Variants in STARD13 observed in about 807,000 individuals in gnomAD.
STARD13 encodes the protein stAR-related lipid transfer protein 13.
A neutral mutation model predicts 106.4 loss-of-function variants in STARD13; 62 were observed. The observed-to-expected ratio is 0.58, with a 90% CI of 0.48 to 0.72. The LOEUF is 0.72. STARD13 is among the 30% of genes least tolerant of loss of function. The pLI is 0.00. For synonymous variants in STARD13, 565 were observed against 553.0 expected (o/e 1.02, Z -0.31); for missense variants, 1,387 against 1,424.0 (o/e 0.97, Z 0.42).
chr13:33,351,376 C>G (rs2078077709), upstream of STARD13, among the ~76,000 whole-genome samples: 1 of 152,106 alleles, frequency 6.6e-6, no homozygotes, highest in Non-Finnish European at 1.5e-5. Context: ...GTAAAGTAGG[C>G]TTGTAGTTAG....
intron 1 of STARD13, among the ~76,000 whole-genome samples, chr13:33,176,069 T>C (rs1200473999): frequency 1.3e-5 from 2 of 152,216 alleles, no homozygotes; most frequent in Non-Finnish European, 2.9e-5. Flanking sequence ...GGGGTTGACA[T>C]GGCAAGATAG....
chr13:33,285,392 C>CA (rs990374300), intron 1 of STARD13, 78 bp downstream of exon 1: 160 of 1,455,538 alleles, frequency 1.1e-4, no homozygotes, highest in Admixed American at 5.7e-4. Flanking sequence ...AACAAACAAA[C>CA]AAAAAAAACT....
At chr13:33,376,429 G>A in the STARD13 span, among the ~76,000 whole-genome samples, 1 of 152,146 alleles carries the variant, frequency 6.6e-6, no homozygotes, top group South Asian at 2.1e-4. Context: ...GGTTGAAGGT[G>A]CAAGAATTAC....
At chr13:33,646,927 T>C in the STARD13 span, among the ~76,000 whole-genome samples, 1 of 152,166 alleles carries the variant, frequency 6.6e-6, no homozygotes, top group East Asian at 1.9e-4. Flanking sequence ...GGTACAAAAA[T>C]TAATGATAAA....
At chr13:33,301,591 G>A (rs1348761919) in intron 1 of STARD13, among the ~76,000 whole-genome samples, 5 of 119,562 alleles carry the variant, frequency 4.2e-5, no homozygotes, top group Admixed American at 2.2e-4. Flanking sequence ...TTTTTGAGAC[G>A]GAGTCTCGCT....
chr13:33,556,357 C>T, the STARD13 span, among the ~76,000 whole-genome samples: 1 of 151,528 alleles, frequency 6.6e-6, no homozygotes, highest in African/African-American at 2.4e-5. Context: ...TTCTAGGTCA[C>T]TGCAGCCTCC....
At chr13:33,665,190 C>T in the STARD13 span, among the ~76,000 whole-genome samples, 1 of 152,148 alleles carries the variant, frequency 6.6e-6, no homozygotes, top group African/African-American at 2.4e-5. Context: ...CATGTTTTAC[C>T]TAATGCTCCC....
chr13:33,493,864 G>A, the STARD13 span, among the ~76,000 whole-genome samples: 1 of 152,076 alleles, frequency 6.6e-6, no homozygotes, highest in Admixed American at 6.5e-5. Context: ...CTGCACCCAA[G>A]GTCAAAGGTA....
the STARD13 span, among the ~76,000 whole-genome samples, chr13:33,567,805 A>G: frequency 6.8e-6 from 1 of 148,088 alleles, no homozygotes; most frequent in Middle Eastern, 3.4e-3. Flanking sequence ...CATGGGGTCA[A>G]AACATCTCCA....
the STARD13 span, among the ~76,000 whole-genome samples, chr13:33,436,356 AAC>A: frequency 6.6e-6 from 1 of 152,238 alleles, no homozygotes; most frequent in South Asian, 2.1e-4. Context: ...GACAGTGAAG[AAC>A]ACAGTAATTT....
At chr13:33,504,842 C>T in the STARD13 span, among the ~76,000 whole-genome samples, 2 of 152,174 alleles carry the variant, frequency 1.3e-5, no homozygotes, top group Non-Finnish European at 2.9e-5. Context: ...TGTGCACTGC[C>T]TCATATCTTC....
At chr13:33,363,893 A>T in the STARD13 span, among the ~76,000 whole-genome samples, 1 of 152,214 alleles carries the variant, frequency 6.6e-6, no homozygotes, top group African/African-American at 2.4e-5. Context: ...GAGAAGCTAG[A>T]TATGCCTATG....
At chr13:33,233,398 C>G (rs73465051) in intron 1 of STARD13, among the ~76,000 whole-genome samples, 2,311 of 152,302 alleles carry the variant, frequency 0.015, 51 homozygotes, top group African/African-American at 0.05. Context: ...TATAAAGACC[C>G]CAGACTCAGT....
the STARD13 span, among the ~76,000 whole-genome samples, chr13:33,676,262 C>T: frequency 4.6e-5 from 7 of 152,124 alleles, no homozygotes; most frequent in Admixed American, 3.9e-4. Context: ...TCCTGCGGAT[C>T]GGGACTGCCA....
At chr13:33,674,542 C>T in the STARD13 span, among the ~76,000 whole-genome samples, 6 of 152,234 alleles carry the variant, frequency 3.9e-5, no homozygotes, top group South Asian at 4.1e-4. Flanking sequence ...TCTTATTCCT[C>T]GAGTTTATAA....
chr13:33,359,609 A>T, the STARD13 span: 14,189 of 154,338 alleles, frequency 0.092, 953 homozygotes, highest in South Asian at 0.2. Context: ...AAGTTGCAGT[A>T]AGCTGAGATC....
At chr13:33,508,094 T>C in the STARD13 span, among the ~76,000 whole-genome samples, 1 of 152,160 alleles carries the variant, frequency 6.6e-6, no homozygotes, top group South Asian at 2.1e-4. Flanking sequence ...GTCACTTGCC[T>C]AAGGTAGGGA....
At chr13:33,664,561 T>G in the STARD13 span, among the ~76,000 whole-genome samples, 3 of 152,228 alleles carry the variant, frequency 2.0e-5, no homozygotes, top group Non-Finnish European at 2.9e-5. Context: ...CATGTCTTGT[T>G]CTTGTTGAAA....
chr13:33,262,492 G>A (rs1409196937), intron 1 of STARD13, among the ~76,000 whole-genome samples: 1 of 152,168 alleles, frequency 6.6e-6, no homozygotes, highest in African/African-American at 2.4e-5. Flanking sequence ...ATCTGCAGAT[G>A]ATTCGAACTT....
Sources: gnomAD v4.1 joint callset for allele counts (sites outside exome capture counted in the v4.1 genomes callset) on GRCh38, gnomAD v4.1.1 for gene constraint, MANE v1.5 for transcripts, NCBI Gene and HGNC (gene_info 2026-07-23, HGNC 2026-07-21) for gene names.